The following ADGRL3 variants were observed in gnomAD, a reference collection of about 807,000 sequenced individuals.
ADGRL3 encodes adhesion G protein-coupled receptor L3.
A neutral mutation model predicts 153.5 loss-of-function variants in ADGRL3; 62 were observed. The observed-to-expected ratio is 0.40, with a 90% CI of 0.33 to 0.50. The LOEUF is 0.50. Among genes scored for constraint, ADGRL3 ranks in the 20% least tolerant of loss-of-function variants. The pLI, the probability that ADGRL3 is intolerant of heterozygous loss-of-function variation, is 0.47. For missense variants in ADGRL3, 1,641 were observed against 1,859.4 expected (o/e 0.88, Z 2.16); for synonymous variants, 710 against 672.5 (o/e 1.06, Z -0.86).
intron 21 of ADGRL3, among the ~76,000 whole-genome samples, chr4:61,998,995 A>G (rs1203740265): frequency 1.3e-5 from 2 of 152,210 alleles, no homozygotes; most frequent in Non-Finnish European, 2.9e-5. Context: ...GGAATTTTAC[A>G]TCACAGAAGA....
At chr4:61,611,950 C>T (rs922808497) in intron 5 of ADGRL3, among the ~76,000 whole-genome samples, 2 of 151,932 alleles carry the variant, frequency 1.3e-5, no homozygotes, top group Non-Finnish European at 2.9e-5. Context: ...GGAAAGAAAT[C>T]TTTTAAGTAA....
chr4:61,747,192 G>T (rs914275257), intron 8 of ADGRL3, among the ~76,000 whole-genome samples: 2 of 151,538 alleles, frequency 1.3e-5, no homozygotes, highest in African/African-American at 4.9e-5. Context: ...CCAATAACAG[G>T]CTCTGAAATT....
intron 2 of ADGRL3, among the ~76,000 whole-genome samples, chr4:61,495,080 A>G (rs1450698040): frequency 6.6e-6 from 1 of 152,188 alleles, no homozygotes; most frequent in African/African-American, 2.4e-5. Flanking sequence ...CAGATAAAAA[A>G]TGGAGATGCT....
chr4:61,336,376 T>A (rs530724327), intron 1 of ADGRL3, among the ~76,000 whole-genome samples: 1 of 152,300 alleles, frequency 6.6e-6, no homozygotes, highest in African/African-American at 2.4e-5. Context: ...CCATATGGAT[T>A]GCAAATACCT....
intron 5 of ADGRL3, among the ~76,000 whole-genome samples, chr4:61,646,634 T>C (rs1438229318): frequency 6.6e-6 from 1 of 151,938 alleles, no homozygotes; most frequent in Non-Finnish European, 1.5e-5. Context: ...GTCTGCCCGT[T>C]CTCAGATCTC....
At chr4:61,748,131 C>T (rs2096696609) in intron 8 of ADGRL3, among the ~76,000 whole-genome samples, 1 of 151,630 alleles carries the variant, frequency 6.6e-6, no homozygotes, top group South Asian at 2.1e-4. Flanking sequence ...GAATAAAATA[C>T]CTAGGAATCC....
intron 17 of ADGRL3, among the ~76,000 whole-genome samples, chr4:61,963,129 A>AT (rs113915071): frequency 0.022 from 3,321 of 149,150 alleles, 122 homozygotes; most frequent in African/African-American, 0.075. Context: ...ATAAGGCTGT[A>AT]TTTTTTTTTT....
intron 4 of ADGRL3, among the ~76,000 whole-genome samples, chr4:61,520,298 A>G (rs1042828535): frequency 1.3e-5 from 2 of 152,132 alleles, no homozygotes; most frequent in East Asian, 1.9e-4. Context: ...CAATCAGCAT[A>G]TTTCTTGGTT....
At chr4:61,589,186 C>T (rs1422492336) in intron 5 of ADGRL3, among the ~76,000 whole-genome samples, 1 of 151,994 alleles carries the variant, frequency 6.6e-6, no homozygotes, top group Non-Finnish European at 1.5e-5. Flanking sequence ...CTTGTGTAAA[C>T]CCTCCTGGTG....
intron 2 of ADGRL3, among the ~76,000 whole-genome samples, chr4:61,473,227 G>A (rs2097990347): frequency 6.6e-6 from 1 of 151,564 alleles, no homozygotes. Context: ...GTGTGTGTGT[G>A]TGTGTGTGTG....
chr4:62,036,905 A>G (rs1295868886), intron 23 of ADGRL3, among the ~76,000 whole-genome samples: 3 of 152,044 alleles, frequency 2.0e-5, no homozygotes, highest in Admixed American at 2.0e-4. Flanking sequence ...AATAGGCGGT[A>G]ATAAAAATTT....
chr4:61,368,325 T>C (rs1469592628), intron 1 of ADGRL3, among the ~76,000 whole-genome samples: 1 of 152,230 alleles, frequency 6.6e-6, no homozygotes, highest in Non-Finnish European at 1.5e-5. Context: ...TGAATGGTAA[T>C]GCCTAGGTTT....
At chr4:61,896,021 T>C (rs1421642558) in intron 11 of ADGRL3, among the ~76,000 whole-genome samples, 187 bp downstream of exon 11, 1 of 152,162 alleles carries the variant, frequency 6.6e-6, no homozygotes, top group Non-Finnish European at 1.5e-5. Context: ...TGCAAATCCA[T>C]GAATTTCTTC....
chr4:61,373,891 G>A (rs994591590), intron 1 of ADGRL3, among the ~76,000 whole-genome samples: 1 of 152,124 alleles, frequency 6.6e-6, no homozygotes, highest in Non-Finnish European at 1.5e-5. Flanking sequence ...AACTTAAAAT[G>A]TAGATTTATA....
At position 61,912,772 on chromosome 4, in the gene ADGRL3, T is replaced by C; in HGVS notation, c.2112+15T>C. The C allele has an allele frequency of 6.2e-7, 1 of 1,611,560 alleles. No individual in the cohort carries two copies. Among genetic ancestry groups the C allele is most frequent in the East Asian group, 2.2e-5 (1 of 44,850 alleles). ...CCTATGTCCAGGTACTTTCTGCGTT[T>C]TTATAAATGTGTTAAGTTGTTGAAT... On this transcript the variant is annotated intron_variant, in intron 13 of 26. Transcript: ENST00000683033.
intron 1 of ADGRL3, among the ~76,000 whole-genome samples, chr4:61,208,917 C>G (rs1172928410): frequency 6.6e-6 from 1 of 152,048 alleles, no homozygotes; most frequent in Non-Finnish European, 1.5e-5. Context: ...GTAGTTCAGT[C>G]TGTTTGTGAG....
In ADGRL3 at chr4:61,813,868, C is replaced by G. The variant is rs759653462; in HGVS notation, c.1459C>G (p.Leu487Val). 2 of 1,581,174 alleles carry G rather than the reference C, an allele frequency of 1.3e-6. No homozygotes were observed. The highest frequency in any genetic ancestry group is 2.2e-5 in the East Asian group (1 of 44,680). ...ISPPIHLDSE[L>V]ERPSVKDIST... ...TCCGCCAATTCACCTTGACTCTGAGCTAGAAAGACCCTCTGTTAAAGGTGA... is the reference window on the plus strand; with the variant it reads ...TCCGCCAATTCACCTTGACTCTGAGGTAGAAAGACCCTCTGTTAAAGGTGA... Residue 487 changes from leucine to valine, a missense_variant, in exon 9 of 27, where the codon CTA becomes GTA. Around this residue, in one of 5 missense-constraint regions of ADGRL3, gnomAD observed 734 missense variants for 797.0 expected, o/e 0.92. Coordinates refer to ENST00000683033, the MANE Select transcript of ADGRL3 (RefSeq NM_001387552.1).
intron 1 of ADGRL3, among the ~76,000 whole-genome samples, chr4:61,351,300 A>C (rs146464874): frequency 6.6e-6 from 1 of 152,212 alleles, no homozygotes; most frequent in Non-Finnish European, 1.5e-5. Context: ...ATAATGGTTC[A>C]TGTGGTTTAA....
chr4:61,249,626 C>T lies in ADGRL3; in HGVS notation c.-240+47861C>T, dbSNP rs201666612. On this transcript the variant is annotated intron_variant, in intron 1 of 26. Transcript: ENST00000683033. ...CAGCTTTCTAGGAAATTCCACACAA[C>T]GCTCATGTATCATTAGCTTGAATTT... Among the ~76,000 whole-genome samples, 8 of 152,140 alleles carry T rather than the reference C, an allele frequency of 5.3e-5. No homozygotes were observed. The East Asian group carries it at 9.7e-4, about 18-fold the overall frequency.
Sources: gnomAD v4.1 joint callset for allele counts (sites outside exome capture counted in the v4.1 genomes callset) on GRCh38, gnomAD v4.1.1 for gene constraint, gnomAD v4.1.1 regional missense constraint, MANE v1.5 for transcripts, NCBI Gene and HGNC (gene_info 2026-07-23, HGNC 2026-07-21) for gene names.